The following DPYD variants were observed in gnomAD, a reference collection of about 807,000 sequenced individuals.
The protein encoded by DPYD is dihydropyrimidine dehydrogenase.
In DPYD, 109 loss-of-function variants were observed where a neutral mutation model predicts 116.2. The ratio of observed to expected loss-of-function variants is 0.94; its 90% CI spans 0.80 to 1.10. The LOEUF (loss-of-function observed/expected upper bound fraction) is 1.10, where lower values mean the gene tolerates loss of function less well. Ranked by LOEUF, DPYD falls within the 50% of genes least tolerant of loss-of-function variation. DPYD has a pLI of 0.00. For missense variants in DPYD, 1,302 were observed against 1,254.5 expected (o/e 1.04, Z -0.57); for synonymous variants, 440 against 432.0 (o/e 1.02, Z -0.23).
chr1:97,761,333 A>G (rs1665564259), intron 3 of DPYD, among the ~76,000 whole-genome samples: 1 of 152,130 alleles, frequency 6.6e-6, no homozygotes, highest in Non-Finnish European at 1.5e-5. Context: ...CGTCTTTAAA[A>G]TTACTGTTTA....
At chr1:97,386,119 C>A in intron 14 of DPYD, among the ~76,000 whole-genome samples, 1 of 151,988 alleles carries the variant, frequency 6.6e-6, no homozygotes, top group South Asian at 2.1e-4. Context: ...CCATTGTATG[C>A]TCTGAGCAGC....
chr1:97,831,926 G>C (rs936722502), intron 2 of DPYD, among the ~76,000 whole-genome samples: 1 of 152,014 alleles, frequency 6.6e-6, no homozygotes, highest in Non-Finnish European at 1.5e-5. Flanking sequence ...ATGCCGACCA[G>C]ACATGCCATG....
chr1:97,498,272 A>C (rs1461496276), intron 13 of DPYD, among the ~76,000 whole-genome samples: 1 of 151,808 alleles, frequency 6.6e-6, no homozygotes, highest in Non-Finnish European at 1.5e-5. Flanking sequence ...AATATACTAA[A>C]AACCATGAAA....
intron 14 of DPYD, among the ~76,000 whole-genome samples, chr1:97,410,828 C>T (rs539721143): frequency 2.0e-5 from 3 of 152,092 alleles, no homozygotes; most frequent in Middle Eastern, 3.4e-3. Context: ...AATTATGTTT[C>T]CTAGTTTACA....
At chr1:97,879,989 T>A (rs1167995505) in intron 2 of DPYD, among the ~76,000 whole-genome samples, 4 of 151,536 alleles carry the variant, frequency 2.6e-5, no homozygotes, top group Admixed American at 1.3e-4. Flanking sequence ...TTTGGGTAAG[T>A]GAACATAAGA....
chr1:97,682,553 T>A (rs867851023), intron 7 of DPYD, among the ~76,000 whole-genome samples: 3 of 152,138 alleles, frequency 2.0e-5, no homozygotes, highest in Admixed American at 6.6e-5. Context: ...AGTAAAGCTT[T>A]GCTTACATTA....
At chr1:97,117,535 A>G (rs1172571746) in intron 20 of DPYD, among the ~76,000 whole-genome samples, 1 of 152,228 alleles carries the variant, frequency 6.6e-6, no homozygotes, top group Non-Finnish European at 1.5e-5. Context: ...TACAGAGACA[A>G]TTAGGAGAAA....
intron 19 of DPYD, among the ~76,000 whole-genome samples, chr1:97,216,973 C>T (rs1345418310): frequency 6.6e-6 from 1 of 151,914 alleles, no homozygotes; most frequent in Non-Finnish European, 1.5e-5. Context: ...TTTGGGAGGC[C>T]GAGGTGAGTG....
chr1:97,593,367 G>A lies in DPYD; in HGVS notation c.979C>T (p.Pro327Ser), dbSNP rs369575517. The change falls in exon 10 of 23, where the codon CCA (proline) becomes TCA (serine). Residue 327 changes from proline to serine, a missense_variant. Physicochemically the swap from Pro to Ser is moderately conservative, Grantham distance 74. Coordinates refer to ENST00000370192, the MANE Select transcript of DPYD (RefSeq NM_000110.4). ...SKAGMCACHS[P>S]LPSIRGVVIV... The stretch of plus-strand genomic sequence containing the variant: ...ACGACTCCCCGTATCGATGGCAATG[G>A]AGAGTGACAGGCGCACATTCCTGAA... 1.1e-5 allele frequency: 17 copies of A among 1,614,108 alleles called. No homozygotes were observed. In the African/African-American group the frequency reaches 1.5e-4, roughly 14 times the overall value.
chr1:97,540,357 GGGAACAAAACAAAAC>G (rs1650342726), intron 12 of DPYD, among the ~76,000 whole-genome samples: 1 of 144,364 alleles, frequency 6.9e-6, no homozygotes, highest in Non-Finnish European at 1.5e-5. Flanking sequence ...CGGCGGGGCA[GGGAACAAAACAAAAC>G]AAAACAAAAC....
At chr1:97,435,843 A>G (rs1418120380) in intron 14 of DPYD, among the ~76,000 whole-genome samples, 2 of 151,926 alleles carry the variant, frequency 1.3e-5, no homozygotes, top group African/African-American at 2.4e-5. Flanking sequence ...TACTGGCAAA[A>G]AAGGAAGCTG....
chr1:97,881,639 C>G (rs773659894), intron 2 of DPYD, among the ~76,000 whole-genome samples: 1 of 151,864 alleles, frequency 6.6e-6, no homozygotes, highest in Non-Finnish European at 1.5e-5. Context: ...ATGCTAATTT[C>G]CATAAAATAA....
rs937294791 is a variant in DPYD, at chr1:97,555,024, T to C, written c.1340-5280A>G. On this transcript the variant is annotated intron_variant, in intron 11 of 22. Transcript: ENST00000370192. ...TTACCCAATTTCTCGGTCATATACT[T>C]GGACTGCTTACTTGTCTCACCACCA... Among the ~76,000 whole-genome samples, 9 of 152,324 alleles carry C rather than the reference T, an allele frequency of 5.9e-5. No individual in the cohort carries two copies. The South Asian group carries it at 1.9e-3, about 32-fold the overall frequency.
At chr1:97,602,482 G>A (rs937906626) in intron 8 of DPYD, among the ~76,000 whole-genome samples, 2 of 151,896 alleles carry the variant, frequency 1.3e-5, no homozygotes. Flanking sequence ...AATTTGAGTG[G>A]TTGAAATTCT....
At chr1:97,773,045 A>T (rs566771935) in intron 3 of DPYD, among the ~76,000 whole-genome samples, 1 of 152,324 alleles carries the variant, frequency 6.6e-6, no homozygotes, top group South Asian at 2.1e-4. Context: ...TTTGTTTTGA[A>T]CTAACTTTTT....
At chr1:97,712,971 T>C (rs1019321977) in intron 5 of DPYD, among the ~76,000 whole-genome samples, 2 of 152,096 alleles carry the variant, frequency 1.3e-5, no homozygotes, top group African/African-American at 2.4e-5. Flanking sequence ...CAGCAGAAGT[T>C]AGCAGAGAAT....
intron 18 of DPYD, among the ~76,000 whole-genome samples, chr1:97,238,310 TA>T (rs1178053811): frequency 6.6e-6 from 1 of 152,178 alleles, no homozygotes; most frequent in African/African-American, 2.4e-5. Context: ...ATTCAGTTTT[TA>T]TTTCCATTAT....
intron 1 of DPYD, among the ~76,000 whole-genome samples, chr1:97,894,584 G>C (rs1448301670): frequency 6.6e-6 from 1 of 151,336 alleles, no homozygotes; most frequent in Non-Finnish European, 1.5e-5. Context: ...TTTAAGAAAA[G>C]AAAAGAAAAC....
intron 21 of DPYD, among the ~76,000 whole-genome samples, chr1:97,091,079 T>C (rs190553571): frequency 8.7e-4 from 132 of 152,262 alleles, no homozygotes; most frequent in Non-Finnish European, 1.6e-3. Flanking sequence ...CCAGGGAAGA[T>C]GGGGTAGATC....
Sources: allele counts gnomAD v4.1 joint callset (sites outside exome capture counted in the v4.1 genomes callset), GRCh38; gene constraint gnomAD v4.1.1; transcripts MANE v1.5; gene names NCBI Gene and HGNC (gene_info 2026-07-23, HGNC 2026-07-21).